The following CYRIA variants were observed in gnomAD, a reference collection of about 807,000 sequenced individuals.
CYRIA encodes the protein CYFIP-related Rac1 interactor A.
Under a neutral mutation model 43.9 loss-of-function variants are expected in CYRIA, and 15 were observed. The ratio of observed to expected loss-of-function variants is 0.34; its 90% confidence interval spans 0.23 to 0.53. The LOEUF (loss-of-function observed/expected upper bound fraction) is 0.53, where lower values mean the gene tolerates loss of function less well. CYRIA is among the 20% of genes least tolerant of loss of function. CYRIA has a pLI of 0.94. For missense variants in CYRIA, 236 were observed against 394.2 expected (o/e 0.60, Z 3.40); for synonymous variants, 117 against 136.0 (o/e 0.86, Z 0.97).
At chr2:16,646,832 A>G (rs1297577164) in intron 1 of CYRIA, among the ~76,000 whole-genome samples, 2 of 150,594 alleles carry the variant, frequency 1.3e-5, no homozygotes, top group African/African-American at 2.5e-5. Flanking sequence ...AAGGGGGGGG[A>G]TTTTCTCTCT....
intron 1 of CYRIA, among the ~76,000 whole-genome samples, chr2:16,663,505 G>A (rs574348626): frequency 6.6e-6 from 1 of 152,080 alleles, no homozygotes; most frequent in African/African-American, 2.4e-5. Flanking sequence ...CCTCACTGGA[G>A]AGGGTCACTG....
chr2:16,573,246 G>A (rs1019296763), intron 3 of CYRIA, among the ~76,000 whole-genome samples: 2 of 152,102 alleles, frequency 1.3e-5, no homozygotes, highest in African/African-American at 4.8e-5. Flanking sequence ...CTCCCTTCAG[G>A]GATGTGTACA....
At chr2:16,627,434 A>G (rs1260882010) in intron 1 of CYRIA, among the ~76,000 whole-genome samples, 1 of 152,254 alleles carries the variant, frequency 6.6e-6, no homozygotes, top group Non-Finnish European at 1.5e-5. Context: ...ACACTGATCA[A>G]GTACTTACTG....
At chr2:16,575,583 C>T (rs546412721) in intron 3 of CYRIA, among the ~76,000 whole-genome samples, 15 of 152,160 alleles carry the variant, frequency 9.9e-5, no homozygotes, top group South Asian at 8.3e-4. Flanking sequence ...CGGCCGGGCG[C>T]GGTGGCTCAT....
chr2:16,580,608 C>T (rs1011856809), intron 3 of CYRIA, among the ~76,000 whole-genome samples: 1 of 151,992 alleles, frequency 6.6e-6, no homozygotes, highest in African/African-American at 2.4e-5. Context: ...AATCAATATC[C>T]CAGTAGAATT....
At chr2:16,608,678 A>T (rs1277296238) in intron 2 of CYRIA, among the ~76,000 whole-genome samples, 1 of 151,056 alleles carries the variant, frequency 6.6e-6, no homozygotes, top group African/African-American at 2.4e-5. Flanking sequence ...AGTAAGTAAG[A>T]TAATGCAGGT....
At chr2:16,637,135 T>TG (rs67973468) in intron 1 of CYRIA, among the ~76,000 whole-genome samples, 17 of 151,968 alleles carry the variant, frequency 1.1e-4, no homozygotes, top group Non-Finnish European at 2.1e-4. Context: ...CTGAGTGAGA[T>TG]AAAGAAATCT....
chr2:16,663,436 G>A (rs1014720932), intron 1 of CYRIA, among the ~76,000 whole-genome samples: 1 of 152,148 alleles, frequency 6.6e-6, no homozygotes, highest in African/African-American at 2.4e-5. Flanking sequence ...GGGACTGGCA[G>A]GGAATGGAAA....
intron 3 of CYRIA, among the ~76,000 whole-genome samples, chr2:16,567,181 A>G (rs1666964446): frequency 6.6e-6 from 1 of 152,170 alleles, no homozygotes; most frequent in Non-Finnish European, 1.5e-5. Context: ...TGAGCCAGGC[A>G]GATCACTAGG....
At position 16,552,833 on chromosome 2, in the gene CYRIA, C is replaced by T. The variant is rs920175910; in HGVS notation, c.*103G>A. ...ATATATTTCAGTGACAAGAAGGAAA[C>T]GGTTATGTAAATACACAAGTATTAA... On this transcript the variant is annotated 3_prime_UTR_variant, in exon 12 of 12. Coordinates refer to ENST00000381323, the MANE Select transcript of CYRIA (RefSeq NM_030797.4). 8.4e-5 allele frequency: 64 copies of T among 761,246 alleles called. No homozygotes were observed. The Middle Eastern group carries it at 1.4e-3, about 16-fold the overall frequency. The allele number at this position is 761,246 out of a possible 1,614,324, so 47.2% of individuals were successfully genotyped here.
chr2:16,614,378 A>C (rs772745854), intron 2 of CYRIA, among the ~76,000 whole-genome samples: 30 of 152,314 alleles, frequency 2.0e-4, no homozygotes, highest in Non-Finnish European at 3.5e-4. Context: ...CCAAACAAAC[A>C]AACGCACAAA....
chr2:16,615,203 G>A (rs186497995), intron 2 of CYRIA, among the ~76,000 whole-genome samples: 178 of 152,288 alleles, frequency 1.2e-3, no homozygotes, highest in African/African-American at 4.2e-3. Context: ...ACTGCTGAAC[G>A]CAAGTCTATG....
intron 2 of CYRIA, among the ~76,000 whole-genome samples, chr2:16,604,490 C>T (rs977012720): frequency 1.3e-5 from 2 of 152,232 alleles, no homozygotes; most frequent in Non-Finnish European, 2.9e-5. Flanking sequence ...CTCAGACACG[C>T]TTTCTCCTGG....
chr2:16,638,566 T>C (rs903703150), intron 1 of CYRIA, among the ~76,000 whole-genome samples: 1 of 152,126 alleles, frequency 6.6e-6, no homozygotes, highest in African/African-American at 2.4e-5. Context: ...TGTGAGGAAC[T>C]CTGCATGAAG....
chr2:16,664,261 C>T (rs917821004), intron 1 of CYRIA, among the ~76,000 whole-genome samples: 1 of 152,136 alleles, frequency 6.6e-6, no homozygotes, highest in Non-Finnish European at 1.5e-5. Flanking sequence ...ACTCTCCCCT[C>T]ACAGGAACCC....
chr2:16,618,302 T>G lies in CYRIA; in HGVS notation c.-11+5562A>C, dbSNP rs567014715. Reference sequence around the variant, plus strand: ...AGCATCTTCTCTTTCTTTCTCTTTTTAAACAATCCTTTTGAATTTCTCCTG... The same window carrying G: ...AGCATCTTCTCTTTCTTTCTCTTTTGAAACAATCCTTTTGAATTTCTCCTG... On this transcript the variant is annotated intron_variant, in intron 2 of 11. Coordinates refer to ENST00000381323, the MANE Select transcript of CYRIA (RefSeq NM_030797.4). Among the ~76,000 whole-genome samples the G allele has an allele frequency of 9.2e-5, 14 of 152,324 alleles. No individual in the cohort carries two copies. The South Asian group carries it at 2.9e-3, about 32-fold the overall frequency.
intron 3 of CYRIA, among the ~76,000 whole-genome samples, chr2:16,578,274 T>C (rs543818779): frequency 6.6e-6 from 1 of 152,300 alleles, no homozygotes. Context: ...AGAAAAGGCA[T>C]GTGATTTTCT....
rs188740599 is a variant in CYRIA, at chr2:16,632,235, C to T, written c.-166-8216G>A. On this transcript the variant is annotated intron_variant, in intron 1 of 11. Coordinates refer to ENST00000381323, the MANE Select transcript of CYRIA (RefSeq NM_030797.4). ...CTCAATGCCTGGAAGTGCCCTTCAG[C>T]GGAGTGTTTCTATAAGAGCTTAACC... is the stretch of plus-strand genomic sequence containing the variant. Among the ~76,000 whole-genome samples, 32 of 152,290 alleles carry T rather than the reference C, an allele frequency of 2.1e-4. No homozygotes were observed. In the East Asian group the frequency reaches 3.5e-3, roughly 17 times the overall value.
intron 1 of CYRIA, among the ~76,000 whole-genome samples, chr2:16,635,726 C>T (rs1402279027): frequency 6.6e-6 from 1 of 152,090 alleles, no homozygotes; most frequent in Non-Finnish European, 1.5e-5. Context: ...CATCCAGAGC[C>T]GCGATGGTCA....
Sources: gnomAD v4.1 joint callset for allele counts (sites outside exome capture counted in the v4.1 genomes callset) on GRCh38, gnomAD v4.1.1 for gene constraint, MANE v1.5 for transcripts, NCBI Gene and HGNC (gene_info 2026-07-23, HGNC 2026-07-21) for gene names.